TRIM59: variants seen among roughly 807,000 people sequenced by gnomAD.
TRIM59 encodes tripartite motif containing 59, also known as tripartite motif-containing protein 59.
A neutral mutation model predicts 32.2 loss-of-function variants in TRIM59; 14 were observed. The observed-to-expected ratio is 0.43, with a 90% CI of 0.29 to 0.68. The LOEUF is 0.68. Among genes scored for constraint, TRIM59 ranks in the 30% least tolerant of loss-of-function variants. The pLI is 0.15. For missense variants in TRIM59, 471 were observed against 463.3 expected (o/e 1.02, Z -0.15); for synonymous variants, 163 against 155.1 (o/e 1.05, Z -0.38).
chr3:160,435,878 TGTC>T lies in TRIM59; in HGVS notation c.*2091_*2093del. 3.5e-6 allele frequency: 4 copies of T among 1,130,720 alleles called. No homozygotes were observed. Among genetic ancestry groups the T allele is most frequent in the Non-Finnish European group, 4.7e-6 (4 of 844,268 alleles). The allele number at this position is 1,130,720 out of a possible 1,614,324, so 70.0% of individuals were successfully genotyped here. A position where few individuals can be genotyped will look rare whatever the true frequency, so the allele number is the denominator to read the frequency against. ...GCTATATGGCCTTGGACAAGTCACT[TGTC>T]AGTTCCCTCATCTACAAAAAGGGGG... On this transcript the variant is annotated 3_prime_UTR_variant, in exon 3 of 3. Coordinates refer to ENST00000309784, the MANE Select transcript of TRIM59 (RefSeq NM_173084.3).
At chr3:160,445,505 G>A (rs1297827291) in intron 2 of TRIM59, among the ~76,000 whole-genome samples, 1 of 152,102 alleles carries the variant, frequency 6.6e-6, no homozygotes, top group Non-Finnish European at 1.5e-5. Context: ...TGGGCACTGT[G>A]GCTCACACCT....
rs1719036002 is a variant in TRIM59 at position 160,437,370 on chromosome 3, A to C, written c.*602T>G. The C allele has an allele frequency of 2.0e-6, 2 of 983,998 alleles. No homozygotes were observed. The highest frequency in any genetic ancestry group is 1.2e-4 in the Admixed American group (2 of 16,220). The allele number at this position is 983,998 out of a possible 1,614,324, so 61.0% of individuals were successfully genotyped here. On this transcript the variant is annotated 3_prime_UTR_variant, in exon 3 of 3. Transcript: ENST00000309784. ...CCCAGTCTCAAAAATTTCTTTTAAA[A>C]AGCCACTTTACTCTAACAGTTATCC...
chr3:160,437,004 GA>G lies in TRIM59; in HGVS notation c.*967del, dbSNP rs537311590. The G allele has an allele frequency of 5.2e-6, 5 of 962,102 alleles. No homozygotes were observed. The highest frequency in any genetic ancestry group is 4.8e-5 in the South Asian group (1 of 20,810). 59.6% of individuals were successfully genotyped at this position (962,102 alleles called of 1,614,324 possible). Reference sequence around the variant, plus strand: ...CAAGAACTGATTTGACTGACGAGCAGAAAAAAAAACAATCTTAAATTTGCAC... The same window carrying G: ...CAAGAACTGATTTGACTGACGAGCAGAAAAAAAACAATCTTAAATTTGCAC... On this transcript the variant is annotated 3_prime_UTR_variant, in exon 3 of 3. Transcript: ENST00000309784.
chr3:160,435,976 A>T lies in TRIM59; in HGVS notation c.*1996T>A, dbSNP rs1261758716. The T allele has an allele frequency of 7.9e-7, 1 of 1,271,858 alleles. No individual in the cohort carries two copies. The highest frequency in any genetic ancestry group is 1.5e-5 in the African/African-American group (1 of 65,096). 78.8% of individuals were successfully genotyped at this position (1,271,858 alleles called of 1,614,324 possible). ...CATAATGGCTAACATTTCATTGCTT[A>T]CGTGTTTTTGAAACTACAGGGCACT... On this transcript the variant is annotated 3_prime_UTR_variant, in exon 3 of 3. Transcript: ENST00000309784.
chr3:160,442,714 T>C (rs1719319827), intron 2 of TRIM59, among the ~76,000 whole-genome samples: 1 of 152,224 alleles, frequency 6.6e-6, no homozygotes, highest in Non-Finnish European at 1.5e-5. Flanking sequence ...TTCTCACTGA[T>C]TTATTGATTA....
chr3:160,446,942 T>C (rs1281726435), intron 2 of TRIM59, among the ~76,000 whole-genome samples: 1 of 151,568 alleles, frequency 6.6e-6, no homozygotes, highest in Non-Finnish European at 1.5e-5. Context: ...AAAATTGCCT[T>C]CCACAAGACC....
chr3:160,441,780 G>GAAAA (rs1182211904), intron 2 of TRIM59, among the ~76,000 whole-genome samples: 3 of 143,464 alleles, frequency 2.1e-5, no homozygotes, highest in Admixed American at 6.9e-5. Context: ...AAAGAAAAAA[G>GAAAA]AAAAAAAGCA....
intron 2 of TRIM59, among the ~76,000 whole-genome samples, chr3:160,443,276 G>A (rs1421327352): frequency 6.6e-6 from 1 of 152,152 alleles, no homozygotes; most frequent in African/African-American, 2.4e-5. Flanking sequence ...TATTTTCTAG[G>A]ATGAACATCT....
At chr3:160,446,298 G>A (rs1294573391) in intron 2 of TRIM59, among the ~76,000 whole-genome samples, 2 of 152,054 alleles carry the variant, frequency 1.3e-5, no homozygotes, top group Admixed American at 6.6e-5. Flanking sequence ...TTTGAAGACA[G>A]TATAACATGA....
At chr3:160,439,735 T>C (rs960134293) in intron 2 of TRIM59, among the ~76,000 whole-genome samples, 4 of 152,216 alleles carry the variant, frequency 2.6e-5, no homozygotes, top group Admixed American at 1.3e-4. Context: ...TCCCCAGCCA[T>C]GTGGAACTGT....
chr3:160,438,298 G>T lies in TRIM59; in HGVS notation c.886C>A (p.Gln296Lys). The change falls in exon 3 of 3, where the codon CAA (glutamine) becomes AAA (lysine). Residue 296 changes from glutamine to lysine, a missense_variant. Transcript: ENST00000309784. ...KEEWSRTEIG[Q>K]IKNVLIPKMK... Reference sequence around the variant, plus strand: ...TTGGGAATGAGAACGTTCTTAATTTGTCCAATTTCTGTTCTGCTCCATTCT... The same window carrying T: ...TTGGGAATGAGAACGTTCTTAATTTTTCCAATTTCTGTTCTGCTCCATTCT... The T allele has an allele frequency of 6.2e-7, 1 of 1,613,632 alleles. No individual in the cohort carries two copies. Among genetic ancestry groups the T allele is most frequent in the Non-Finnish European group, 8.5e-7 (1 of 1,179,912 alleles).
rs1719048754 is a variant in TRIM59, at chr3:160,437,666, AAAGAC to A, written c.*301_*305del. The stretch of plus-strand genomic sequence containing the variant: ...TTAACTGCAGTATATAATAATGGTA[AAAGAC>A]AATATTGGTACAAGAATGTTTAAAT... On this transcript the variant is annotated 3_prime_UTR_variant, in exon 3 of 3. Transcript: ENST00000309784. 7 of 1,028,164 alleles carry A rather than the reference AAAGAC, an allele frequency of 6.8e-6. No individual in the cohort carries two copies. Among genetic ancestry groups the A allele is most frequent in the Non-Finnish European group, 8.2e-6 (7 of 858,402 alleles). 63.7% of individuals were successfully genotyped at this position (1,028,164 alleles called of 1,614,324 possible). A position where few individuals can be genotyped will look rare whatever the true frequency, so the allele number is the denominator to read the frequency against.
In TRIM59 at chr3:160,435,998, C is replaced by T. The variant is rs766421400; in HGVS notation, c.*1974G>A. 1.9e-5 allele frequency: 24 copies of T among 1,257,308 alleles called. No individual in the cohort carries two copies. Among genetic ancestry groups the T allele is most frequent in the Non-Finnish European group, 2.4e-5 (23 of 974,880 alleles). 77.9% of individuals were successfully genotyped at this position (1,257,308 alleles called of 1,614,324 possible). A position where few individuals can be genotyped will look rare whatever the true frequency, so the allele number is the denominator to read the frequency against. Reference sequence around the variant, plus strand: ...CTTACGTGTTTTTGAAACTACAGGGCACTTTTATGGTGTGACTAGTATTTT... The same window carrying T: ...CTTACGTGTTTTTGAAACTACAGGGTACTTTTATGGTGTGACTAGTATTTT... On this transcript the variant is annotated 3_prime_UTR_variant, in exon 3 of 3. Transcript: ENST00000309784.
chr3:160,436,155 TA>T lies in TRIM59; in HGVS notation c.*1816del, dbSNP rs1309352927. ...CTAGGTATAAGTCTGATTCTAATAA[TA>T]AATTGATATAATACAGTCATCTTAG... On this transcript the variant is annotated 3_prime_UTR_variant, in exon 3 of 3. Transcript: ENST00000309784. 1 of 1,031,472 alleles carries T rather than the reference TA, an allele frequency of 9.7e-7. No homozygotes were observed. The highest frequency in any genetic ancestry group is 1.7e-5 in the African/African-American group (1 of 58,156). The allele number at this position is 1,031,472 out of a possible 1,614,324, so 63.9% of individuals were successfully genotyped here.
intron 2 of TRIM59, chr3:160,447,917 CAT>C (rs547258787): frequency 1.3e-5 from 2 of 152,208 alleles, no homozygotes; most frequent in Admixed American, 1.3e-4. Flanking sequence ...CATTTATAAA[CAT>C]ATATAAGATT....
Position 160,438,191 on chromosome 3 carries a change from GTTTAA to G in TRIM59, c.988_992del (p.Leu330HisfsTer27). On this transcript the variant is annotated frameshift_variant, in exon 3 of 3. Coordinates refer to ENST00000309784, the MANE Select transcript of TRIM59 (RefSeq NM_173084.3). LOFTEE classifies it high-confidence loss of function. ...CTGAAATTAATGTAACTACAACAAT[GTTTAA>G]AATTTTTAAAAATTCAACTTCCTTT... is the stretch of plus-strand genomic sequence containing the variant. 1 of 1,612,838 alleles carries G rather than the reference GTTTAA, an allele frequency of 6.2e-7. No homozygotes were observed. Among genetic ancestry groups the G allele is most frequent in the Non-Finnish European group, 8.5e-7 (1 of 1,179,558 alleles).
At chr3:160,440,358 C>G (rs1056679970) in intron 2 of TRIM59, among the ~76,000 whole-genome samples, 8 of 152,142 alleles carry the variant, frequency 5.3e-5, no homozygotes, top group Non-Finnish European at 1.2e-4. Flanking sequence ...TCTCTCGATC[C>G]GTATTTCTCT....
intron 2 of TRIM59, among the ~76,000 whole-genome samples, chr3:160,447,096 C>A (rs575726901): frequency 1.3e-5 from 2 of 151,872 alleles, no homozygotes; most frequent in African/African-American, 4.8e-5. Flanking sequence ...AAACTGCATA[C>A]TTAAAAAGAT....
chr3:160,440,323 AT>A (rs557816675), intron 2 of TRIM59, among the ~76,000 whole-genome samples: 1 of 152,224 alleles, frequency 6.6e-6, no homozygotes. Flanking sequence ...AAAGAAGACC[AT>A]TAGTCATCTT....
Sources: gnomAD v4.1 joint callset for allele counts (sites outside exome capture counted in the v4.1 genomes callset) on GRCh38, gnomAD v4.1.1 for gene constraint, MANE v1.5 for transcripts, NCBI Gene and HGNC (gene_info 2026-07-23, HGNC 2026-07-21) for gene names.